The following MAP4K3 variants were observed in gnomAD, a reference collection of about 807,000 sequenced individuals.
MAP4K3 encodes the protein MAPK/ERK kinase kinase kinase 3.
In MAP4K3, 94 loss-of-function variants were observed where a neutral mutation model predicts 143.5. The ratio of observed to expected loss-of-function variants is 0.65; its 90% confidence interval spans 0.55 to 0.78. The LOEUF (loss-of-function observed/expected upper bound fraction) is 0.78, where lower values mean the gene tolerates loss of function less well. Ranked by LOEUF, MAP4K3 falls within the 30% of genes least tolerant of loss-of-function variation. The pLI is 0.00. For missense variants in MAP4K3, 1,077 were observed against 1,068.1 expected (o/e 1.01, Z -0.12); for synonymous variants, 416 against 347.2 (o/e 1.20, Z -2.20).
chr2:39,361,006 C>G (rs1204103861), intron 2 of MAP4K3, among the ~76,000 whole-genome samples: 1 of 152,158 alleles, frequency 6.6e-6, no homozygotes, highest in Non-Finnish European at 1.5e-5. Context: ...TAAGTCCATA[C>G]TTTGCTGCTG....
At chr2:39,271,921 T>C in intron 26 of MAP4K3, 1 of 171,674 alleles carries the variant, frequency 5.8e-6, no homozygotes, top group Non-Finnish European at 1.2e-5. Flanking sequence ...CAATAAATCA[T>C]TTTGATTTTC....
chr2:39,328,653 A>G (rs938307726), intron 8 of MAP4K3, among the ~76,000 whole-genome samples: 24 of 152,188 alleles, frequency 1.6e-4, no homozygotes, highest in African/African-American at 5.8e-4. Flanking sequence ...ACCACAGCAT[A>G]CAAGTTTTTC....
intron 27 of MAP4K3, 128 bp from the exon 28 acceptor site, chr2:39,265,434 G>A (rs921331079): frequency 3.1e-5 from 22 of 720,370 alleles, no homozygotes; most frequent in African/African-American, 1.1e-4. Context: ...CTGGTTGCCA[G>A]TTCAGTTTCT....
Position 39,307,997 on chromosome 2 carries a change from ACTGTCGGG to A in MAP4K3, c.1057_1064del (p.Pro353Ter). 1 of 1,601,834 alleles carries A rather than the reference ACTGTCGGG, an allele frequency of 6.2e-7. No individual in the cohort carries two copies. Among genetic ancestry groups the A allele is most frequent in the East Asian group, 2.3e-5 (1 of 44,024 alleles). ...CTTCTGAACTGTCCAAAAAACCATC[ACTGTCGGG>A]CTGTTTAGCAGAGACCAAGAAACCC... On this transcript the variant is annotated frameshift_variant and splice_region_variant, in exon 15 of 34. Transcript: ENST00000263881. LOFTEE classifies it high-confidence loss of function.
rs1233099984 is a variant in MAP4K3, at chr2:39,290,222, C to T, written c.1314+70G>A. 7.9e-6 allele frequency: 9 copies of T among 1,143,552 alleles called. No individual in the cohort carries two copies. In the Admixed American group the frequency reaches 2.0e-4, roughly 26 times the overall value. The allele number at this position is 1,143,552 out of a possible 1,614,324, so 70.8% of individuals were successfully genotyped here. On this transcript the variant is annotated intron_variant, in intron 19 of 33. Coordinates refer to ENST00000263881, the MANE Select transcript of MAP4K3 (RefSeq NM_003618.4). ...GATCACAAATGAAAAGCTAGAAAAA[C>T]TCTCAACAAAGTATTAAATTGGCAG... is the stretch of plus-strand genomic sequence containing the variant.
At chr2:39,317,284 T>C (rs1683142838) in intron 12 of MAP4K3, among the ~76,000 whole-genome samples, 1 of 152,084 alleles carries the variant, frequency 6.6e-6, no homozygotes, top group African/African-American at 2.4e-5. Context: ...CAGACTTAAA[T>C]GTAAAATCTA....
chr2:39,437,129 C>CGCCGCT lies in MAP4K3; in HGVS notation c.-143_-142insAGCGGC, dbSNP rs1251218389. ...CCCGGCTCCACGCTGCGGCCGCCGC[C>CGCCGCT]GCCGCCGCCGCTCCCCTCACGCCGC... On this transcript the variant is annotated 5_prime_UTR_variant, in exon 1 of 34. Coordinates refer to ENST00000263881, the MANE Select transcript of MAP4K3 (RefSeq NM_003618.4). The CGCCGCT allele has an allele frequency of 1.0e-5, 5 of 481,718 alleles. No individual in the cohort carries two copies. Among genetic ancestry groups the CGCCGCT allele is most frequent in the African/African-American group, 8.3e-5 (4 of 48,364 alleles). 29.8% of individuals were successfully genotyped at this position (481,718 alleles called of 1,614,324 possible). A position where few individuals can be genotyped will look rare whatever the true frequency, so the allele number is the denominator to read the frequency against.
chr2:39,309,970 T>A (rs1212603144), intron 13 of MAP4K3, among the ~76,000 whole-genome samples: 1 of 152,142 alleles, frequency 6.6e-6, no homozygotes, highest in Non-Finnish European at 1.5e-5. Context: ...AGATCTTTGT[T>A]TTCAATTTTT....
intron 15 of MAP4K3, among the ~76,000 whole-genome samples, chr2:39,302,850 A>G (rs576519644): frequency 6.6e-6 from 1 of 152,352 alleles, no homozygotes; most frequent in African/African-American, 2.4e-5. Flanking sequence ...TAGCCCAATT[A>G]AAATATCTTT....
rs1252012239 is a variant in MAP4K3 at position 39,361,135 on chromosome 2, T to C, written c.155-4796A>G. On this transcript the variant is annotated intron_variant, in intron 2 of 33. Transcript: ENST00000263881. ...AGTTGTATCATCTCAGGCAAATCTG[T>C]CTGTCTCTGCCTCCCGTTTCTCTTC... Among the ~76,000 whole-genome samples the C allele has an allele frequency of 2.0e-5, 3 of 152,180 alleles. No individual in the cohort carries two copies. In the East Asian group the frequency reaches 5.8e-4, roughly 29 times the overall value.
intron 15 of MAP4K3, among the ~76,000 whole-genome samples, chr2:39,307,038 C>T (rs1296850593): frequency 6.6e-6 from 1 of 152,158 alleles, no homozygotes; most frequent in Non-Finnish European, 1.5e-5. Flanking sequence ...TGTCTAAAAT[C>T]TCTTTTATAT....
At chr2:39,323,235 A>G (rs1206123328) in intron 12 of MAP4K3, 1 of 152,230 alleles carries the variant, frequency 6.6e-6, no homozygotes, top group Non-Finnish European at 1.5e-5. Flanking sequence ...GTAACAATTT[A>G]TAATTATAAT....
rs17023812 is a variant in MAP4K3 at position 39,393,622 on chromosome 2, A to T, written c.97-15499T>A. On this transcript the variant is annotated intron_variant, in intron 1 of 33. Transcript: ENST00000263881. ...TATGTGCTCCCAAAGCGAGCAACAAACTTCATTTTTTAAGATCACTTATGT... is the reference window on the plus strand; with the variant it reads ...TATGTGCTCCCAAAGCGAGCAACAATCTTCATTTTTTAAGATCACTTATGT... Among the ~76,000 whole-genome samples, 48 of 152,300 alleles carry T rather than the reference A, an allele frequency of 3.2e-4. 1 individual carries two copies. The East Asian group carries it at 3.7e-3, about 12-fold the overall frequency.
chr2:39,325,673 T>C (rs964902946), intron 11 of MAP4K3, 45 bp from the exon 12 acceptor site: 16 of 1,561,528 alleles, frequency 1.0e-5, no homozygotes, highest in African/African-American at 2.7e-5. Flanking sequence ...ATAAATCTGA[T>C]TGAATAACAT....
At position 39,255,073 on chromosome 2, in the gene MAP4K3, C is replaced by T. The variant is rs539685494; in HGVS notation, c.2471-553G>A. 2.6e-5 allele frequency among the ~76,000 whole-genome samples: 4 copies of T among 152,170 alleles called. No individual in the cohort carries two copies. The South Asian group carries it at 8.3e-4, about 32-fold the overall frequency. On this transcript the variant is annotated intron_variant, in intron 31 of 33. Coordinates refer to ENST00000263881, the MANE Select transcript of MAP4K3 (RefSeq NM_003618.4). ...GGTCTTTCCTTCCTCCCTGAGATAACCACTATTATAAATTTGGTATTTATC... is the reference window on the plus strand; with the variant it reads ...GGTCTTTCCTTCCTCCCTGAGATAATCACTATTATAAATTTGGTATTTATC...
In MAP4K3 at chr2:39,431,613, C is replaced by A. The variant is rs192199893; in HGVS notation, c.96+5279G>T. ...ACTTTAAACGAAGAAGCAAGCCAAACAGATATTGGTGGGGAGGGGTGGATT... is the reference window on the plus strand; with the variant it reads ...ACTTTAAACGAAGAAGCAAGCCAAAAAGATATTGGTGGGGAGGGGTGGATT... On this transcript the variant is annotated intron_variant, in intron 1 of 33. Transcript: ENST00000263881. Among the ~76,000 whole-genome samples, 674 of 152,120 alleles carry A rather than the reference C, an allele frequency of 4.4e-3. 1 individual carries two copies. Among genetic ancestry groups the A allele is most frequent in the Non-Finnish European group, 7.5e-3 (511 of 67,998 alleles).
At chr2:39,416,494 T>G (rs1046308828) in intron 1 of MAP4K3, among the ~76,000 whole-genome samples, 7 of 152,138 alleles carry the variant, frequency 4.6e-5, no homozygotes, top group African/African-American at 1.7e-4. Flanking sequence ...ATGGATTGGT[T>G]TAAGGAGGGC....
intron 2 of MAP4K3, among the ~76,000 whole-genome samples, chr2:39,364,120 T>C (rs1278380311): frequency 6.6e-6 from 1 of 152,006 alleles, no homozygotes; most frequent in Admixed American, 6.6e-5. Context: ...CCTCTAAATA[T>C]TAAAAATAGA....
At chr2:39,398,098 G>A (rs901537637) in intron 1 of MAP4K3, among the ~76,000 whole-genome samples, 4 of 151,990 alleles carry the variant, frequency 2.6e-5, no homozygotes, top group Non-Finnish European at 2.9e-5. Flanking sequence ...AATTACAGAC[G>A]CATGTACCCT....
Sources: allele counts gnomAD v4.1 joint callset (sites outside exome capture counted in the v4.1 genomes callset), GRCh38; gene constraint gnomAD v4.1.1; transcripts MANE v1.5; gene names NCBI Gene and HGNC (gene_info 2026-07-23, HGNC 2026-07-21).